MCF2: variants seen among roughly 807,000 people sequenced by gnomAD.
MCF2 encodes the protein MCF.2 cell line derived transforming sequence.
In MCF2, 44 loss-of-function variants were observed where a neutral mutation model predicts 82.5. The ratio of observed to expected loss-of-function variants is 0.53; its 90% CI spans 0.42 to 0.69. The LOEUF is 0.69. Ranked by LOEUF, MCF2 falls within the 30% of genes least tolerant of loss-of-function variation. The probability of loss-of-function intolerance (pLI) is 0.00; values close to 1 mark genes in which losing one functional copy is unlikely to be tolerated. For missense variants in MCF2, 623 were observed against 663.1 expected, an observed-to-expected ratio of 0.94 and a Z score of 0.66; for synonymous variants, 217 against 224.9, an observed-to-expected ratio of 0.96 and a Z score of 0.32.
rs747955460 is a variant in MCF2 at position 139,617,560 on chromosome X, G to A, written c.952C>T (p.Arg318Trp). Residue 318 changes from arginine (R) to tryptophan (W), a missense_variant, in exon 8 of 25, where the codon CGG (arginine) becomes TGG (tryptophan). Coordinates refer to ENST00000370576, the Ensembl canonical transcript of MCF2. ...TTGAAGGTCCTGCTGAGTTGTATCCGTTTTGCTTTTATCTCATTAACCAAA... is the reference window on the plus strand; with the variant it reads ...TTGAAGGTCCTGCTGAGTTGTATCCATTTTGCTTTTATCTCATTAACCAAA... 20 of 1,197,447 alleles carry A rather than the reference G, an allele frequency of 1.7e-5. No homozygotes were observed. In the South Asian group the frequency reaches 2.2e-4, roughly 13 times the overall value.
intron 2 of MCF2, among the ~76,000 whole-genome samples, chrX:139,648,266 G>A (rs749553176): frequency 7.3e-5 from 8 of 110,200 alleles, no homozygotes; most frequent in Non-Finnish European, 1.1e-4. Flanking sequence ...CAGCTACTCC[G>A]GAGGTTGAGG....
At chrX:139,604,532 T>A (rs1930827549) in intron 15 of MCF2, 149 bp downstream of exon 19, 1 of 341,556 alleles carries the variant, frequency 2.9e-6, no homozygotes, top group East Asian at 4.7e-5. Context: ...CAAAACTTGG[T>A]TTGGTATTAA....
At chrX:139,654,790 T>C (rs2148531902) in intron 1 of MCF2, among the ~76,000 whole-genome samples, 1 of 112,021 alleles carries the variant, frequency 8.9e-6, no homozygotes, top group East Asian at 2.8e-4. Flanking sequence ...TCAATTTAAG[T>C]TCTTTAATCC....
intron 16 of MCF2, among the ~76,000 whole-genome samples, chrX:139,602,155 A>G (rs1930602265): frequency 9.0e-6 from 1 of 111,035 alleles, no homozygotes; most frequent in Non-Finnish European, 1.9e-5. Context: ...AGTATAAAGG[A>G]TAAAGATAAG....
chrX:139,639,613 T>C (rs1933442808), intron 1 of MCF2, among the ~76,000 whole-genome samples: 1 of 111,611 alleles, frequency 9.0e-6, no homozygotes, highest in Non-Finnish European at 1.9e-5. Flanking sequence ...TCTATGATCT[T>C]ACAGCAGTAA....
chrX:139,582,266 C>A (rs965609235), exon 25 of MCF2: 74 of 459,273 alleles, frequency 1.6e-4, no homozygotes, highest in Non-Finnish European at 2.5e-4. Flanking sequence ...ACATTAAATA[C>A]ATGATTTTAA....
chrX:139,588,921 C>G (rs1299723431), intron 20 of MCF2, among the ~76,000 whole-genome samples: 1 of 107,802 alleles, frequency 9.3e-6, no homozygotes, highest in Non-Finnish European at 1.9e-5. Flanking sequence ...CAGGGTGAGA[C>G]GCTGTCTCAA....
chrX:139,655,699 C>T lies in MCF2; in HGVS notation c.-44-3911G>A, dbSNP rs146641436. 4.2e-3 allele frequency among the ~76,000 whole-genome samples: 461 copies of T among 111,037 alleles called. 1 individual carries two copies. The highest frequency in any genetic ancestry group is 0.014 in the African/African-American group (436 of 30,422). On this transcript the variant is annotated intron_variant, in intron 1 of 27. Transcript: ENST00000414978. ...CCCTTCCCTCCACCGCACAGCAGAC[C>T]CCTGTGTGTGATGTTCCCCTTCCTG...
upstream of MCF2, chrX:139,647,015 A>T: frequency 2.1e-6 from 1 of 477,523 alleles, no homozygotes; most frequent in South Asian, 3.6e-5. Context: ...TTTTGCAAAG[A>T]TGATGATCTC....
At chrX:139,665,897 GTATA>G (rs761065038) in intron 1 of MCF2, among the ~76,000 whole-genome samples, 74 of 68,541 alleles carry the variant, frequency 1.1e-3, no homozygotes, top group South Asian at 4.7e-3. Context: ...AGGTGTGTGT[GTATA>G]TATATATATA....
chrX:139,627,475 G>C (rs970250628), intron 4 of MCF2, among the ~76,000 whole-genome samples: 6 of 111,672 alleles, frequency 5.4e-5, no homozygotes, highest in Admixed American at 3.8e-4. Flanking sequence ...CTTAACCTCA[G>C]TGGGTGGTGT....
At chrX:139,695,895 A>C in intron 1 of MCF2, among the ~76,000 whole-genome samples, 1 of 111,864 alleles carries the variant, frequency 8.9e-6, no homozygotes, top group East Asian at 2.8e-4. Context: ...TAAAGTAACA[A>C]TGAGTGAACA....
At chrX:139,667,854 T>G (rs1934570640) in intron 1 of MCF2, among the ~76,000 whole-genome samples, 1 of 112,063 alleles carries the variant, frequency 8.9e-6, no homozygotes, top group Non-Finnish European at 1.9e-5. Flanking sequence ...ACTCCCCAGC[T>G]CTAGCAGTGG....
chrX:139,684,565 T>A (rs973404977), intron 1 of MCF2, among the ~76,000 whole-genome samples: 1 of 112,040 alleles, frequency 8.9e-6, no homozygotes, highest in Non-Finnish European at 1.9e-5. Flanking sequence ...AACCAAAAGG[T>A]GGAAACCACA....
chrX:139,605,620 C>A, intron 13 of MCF2, 93 bp downstream of exon 17: 1 of 718,376 alleles, frequency 1.4e-6, no homozygotes, highest in Non-Finnish European at 2.1e-6. Context: ...AGGAAGGAGA[C>A]GGAAGTAGAA....
chrX:139,609,615 C>T (rs765528849), intron 11 of MCF2, among the ~76,000 whole-genome samples: 160 of 110,823 alleles, frequency 1.4e-3, no homozygotes, highest in African/African-American at 4.8e-3. Flanking sequence ...TACTTCTTTA[C>T]AGATATCAGA....
chrX:139,634,193 A>G (rs1158934572), intron 1 of MCF2, among the ~76,000 whole-genome samples: 1 of 111,662 alleles, frequency 9.0e-6, no homozygotes, highest in Non-Finnish European at 1.9e-5. Context: ...ATGGCAGATT[A>G]GAGCATAATA....
Position 139,600,970 on chromosome X carries a change from T to C in MCF2, c.1836+1436A>G, listed in dbSNP as rs750649120. On this transcript the variant is annotated intron_variant, in intron 16 of 24. Coordinates refer to ENST00000370576, the Ensembl canonical transcript of MCF2. ...TCTTTGTATAGATGAATGAAGATAC[T>C]GAATTCATAAAATGAAAATAGAATT... Among the ~76,000 whole-genome samples, 10 of 111,807 alleles carry C rather than the reference T, an allele frequency of 8.9e-5. No individual in the cohort carries two copies. In the South Asian group the frequency reaches 1.5e-3, roughly 17 times the overall value.
At chrX:139,654,473 T>C (rs1934131545) in intron 1 of MCF2, among the ~76,000 whole-genome samples, 1 of 112,285 alleles carries the variant, frequency 8.9e-6, no homozygotes. Flanking sequence ...CTTTTGCCCA[T>C]TTTATAAATT....
Sources: gnomAD v4.1 joint callset for allele counts (sites outside exome capture counted in the v4.1 genomes callset) on GRCh38, gnomAD v4.1.1 for gene constraint, MANE v1.5 for transcripts, NCBI Gene and HGNC (gene_info 2026-07-23, HGNC 2026-07-21) for gene names.